Variants in EXOSC8 observed in about 807,000 individuals in gnomAD.
EXOSC8 encodes the protein exosome component 8, also known as exosome complex component RRP43.
A neutral mutation model predicts 39.9 loss-of-function variants in EXOSC8; 37 were observed. That is an observed-to-expected ratio of 0.93 (90% CI 0.71 to 1.22). The LOEUF (loss-of-function observed/expected upper bound fraction) is 1.22. Ranked by LOEUF, EXOSC8 falls within the 50% of genes most tolerant of loss-of-function variation. The probability of loss-of-function intolerance (pLI) is 0.00; values close to 1 mark genes in which losing one functional copy is unlikely to be tolerated. For synonymous variants in EXOSC8, 93 were observed against 109.5 expected, an observed-to-expected ratio of 0.85 and a Z score of 0.94; for missense variants, 313 against 326.6, an observed-to-expected ratio of 0.96 and a Z score of 0.32.
At chr13:37,006,899 T>C in intron 7 of EXOSC8, 76 bp from the exon 8 acceptor site, 1 of 886,030 alleles carries the variant, frequency 1.1e-6, no homozygotes, top group Non-Finnish European at 1.9e-6. Flanking sequence ...GGTTCTGTGG[T>C]TCTTAAGTCT....
chr13:37,005,862 CAAAA>C (rs59234766), intron 5 of EXOSC8, 54 bp from the exon 6 acceptor site: 817 of 295,688 alleles, frequency 2.8e-3, no homozygotes, highest in East Asian at 4.7e-3. Flanking sequence ...GACTCCATCT[CAAAA>C]AAAAAAAAAA....
Position 37,004,395 on chromosome 13 carries a change from G to A in EXOSC8, c.193-121G>A. On this transcript the variant is annotated intron_variant, in intron 4 of 10. Transcript: ENST00000389704. ...GTGAGGATCAGCACCAATGTCCGTA[G>A]AGGCCCTGACACAATTCCCTAAGCT... The A allele has an allele frequency of 4.4e-6, 3 of 675,440 alleles. No homozygotes were observed. In the South Asian group the frequency reaches 5.4e-5, roughly 12 times the overall value. 41.8% of individuals were successfully genotyped at this position (675,440 alleles called of 1,614,324 possible).
In EXOSC8 at chr13:37,005,909, GT is replaced by G; in HGVS notation, c.239-8del. On this transcript the variant is annotated splice_polypyrimidine_tract_variant and intron_variant, in intron 5 of 10. Transcript: ENST00000389704. ...AAGGTTTAGTTCATAGCTGCAGAGT[GT>G]TTCTTTCAGTTCCTAATGTGGATCT... 3 of 1,001,512 alleles carry G rather than the reference GT, an allele frequency of 3.0e-6. No homozygotes were observed. The highest frequency in any genetic ancestry group is 4.7e-6 in the Non-Finnish European group (3 of 639,798). The allele number at this position is 1,001,512 out of a possible 1,614,324, so 62.0% of individuals were successfully genotyped here. A position where few individuals can be genotyped will look rare whatever the true frequency, so the allele number is the denominator to read the frequency against.
chr13:37,003,873 CTT>C (rs771339894), intron 4 of EXOSC8: 16 of 138,486 alleles, frequency 1.2e-4, no homozygotes, highest in Non-Finnish European at 9.5e-5. Flanking sequence ...AGAGCATTTG[CTT>C]TTTTTTTTTT....
At chr13:37,004,709 C>T (rs182442027) in intron 5 of EXOSC8, 148 bp downstream of exon 5, 13 of 572,258 alleles carry the variant, frequency 2.3e-5, no homozygotes, top group Admixed American at 1.3e-4. Context: ...AAAAGTTTTC[C>T]GTGTGTTAGT....
Position 37,007,087 on chromosome 13 carries a change from A to G in EXOSC8, c.487+16A>G. 6.5e-7 allele frequency: 1 copy of G among 1,529,052 alleles called. No homozygotes were observed. The highest frequency in any genetic ancestry group is 9.1e-7 in the Non-Finnish European group (1 of 1,102,338). The allele number at this position is 1,529,052 out of a possible 1,614,324, so 94.7% of individuals were successfully genotyped here. On this transcript the variant is annotated intron_variant, in intron 8 of 10. Transcript: ENST00000389704. Reference sequence around the variant, plus strand: ...TTAAAAAATGGTAAGCAGCCTTACAAAAAAGGCAATATTCCCACTCATGGG... The same window carrying G: ...TTAAAAAATGGTAAGCAGCCTTACAGAAAAGGCAATATTCCCACTCATGGG...
chr13:37,009,290 A>G lies in EXOSC8; in HGVS notation c.822A>G (p.Lys274=), dbSNP rs915746741. The change falls in exon 11 of 11, where the codon AAA becomes AAG. Residue 274 remains lysine, a synonymous_variant. Coordinates refer to ENST00000389704, the MANE Select transcript of EXOSC8 (RefSeq NM_181503.3). ...TGGATGAAGTAATTAAGAGTATGAA[A>G]CCCAAATAAACAGCCACCACATTTT... ...KLMDEVIKSM[K]PK 2.6e-6 allele frequency: 4 copies of G among 1,550,586 alleles called. No homozygotes were observed. Among genetic ancestry groups the G allele is most frequent in the Non-Finnish European group, 3.6e-6 (4 of 1,124,442 alleles).
intron 4 of EXOSC8, 127 bp downstream of exon 4, chr13:37,003,134 C>T (rs1593698191): frequency 3.2e-6 from 2 of 624,938 alleles, no homozygotes; most frequent in Non-Finnish European, 5.6e-6. Flanking sequence ...GTTTAATTTC[C>T]CAAGAGCTTT....
chr13:37,005,976 G>A lies in EXOSC8; in HGVS notation c.295G>A (p.Gly99Arg). The A allele has an allele frequency of 6.2e-7, 1 of 1,612,736 alleles. No homozygotes were observed. Among genetic ancestry groups the A allele is most frequent in the Non-Finnish European group, 8.5e-7 (1 of 1,178,988 alleles). The change falls in exon 6 of 11, where the codon GGA (glycine) becomes AGA (arginine). Residue 99 changes from glycine (G) to arginine (R), a missense_variant. Physicochemically the swap from Gly to Arg is moderately radical, Grantham distance 125. Coordinates refer to ENST00000389704, the MANE Select transcript of EXOSC8 (RefSeq NM_181503.3). ...CSSRFRSGPP[G>R]EEAQVASQFI... is the part of the protein sequence containing the mutation. ...ATCGAGATTCCGGTCTGGACCTCCT[G>A]GAGAAGAGGCCCAAGTGGCTAGCCA...
intron 7 of EXOSC8, among the ~76,000 whole-genome samples, chr13:37,006,542 TG>T (rs1288502062): frequency 1.3e-5 from 2 of 152,176 alleles, no homozygotes; most frequent in African/African-American, 4.8e-5. Flanking sequence ...AAAACTAGGT[TG>T]ATTAGAACCT....
intron 10 of EXOSC8, 93 bp from the exon 11 acceptor site, chr13:37,009,091 C>G (rs1222030564): frequency 1.2e-6 from 1 of 837,320 alleles, no homozygotes; most frequent in Non-Finnish European, 1.9e-6. Flanking sequence ...TTACATTATC[C>G]AATTTTTTTG....
At chr13:37,005,808 A>G in intron 5 of EXOSC8, 112 bp from the exon 6 acceptor site, 1 of 590,540 alleles carries the variant, frequency 1.7e-6, no homozygotes, top group Non-Finnish European at 2.9e-6. Flanking sequence ...AGGTTGCAGT[A>G]AGCTGAGATC....
chr13:37,008,279 C>G (rs1000582390), intron 9 of EXOSC8, 102 bp downstream of exon 9: 12 of 920,126 alleles, frequency 1.3e-5, no homozygotes, highest in Non-Finnish European at 1.9e-5. Flanking sequence ...GACCCTACAT[C>G]CTAGTTTTCC....
intron 1 of EXOSC8, 71 bp downstream of exon 1, chr13:37,000,893 G>C: frequency 7.0e-7 from 1 of 1,435,326 alleles, no homozygotes; most frequent in Non-Finnish European, 9.2e-7. Flanking sequence ...CTCTTAGCTG[G>C]GATTCTCTCA....
chr13:37,003,090 C>T, intron 4 of EXOSC8, 83 bp downstream of exon 4: 1 of 826,404 alleles, frequency 1.2e-6, no homozygotes, highest in Non-Finnish European at 2.0e-6. Flanking sequence ...TGTAATTCTA[C>T]TCTTGATTTG....
At chr13:37,007,840 TAAAAA>T (rs199916792) in intron 8 of EXOSC8, among the ~76,000 whole-genome samples, 1 of 151,448 alleles carries the variant, frequency 6.6e-6, no homozygotes, top group Non-Finnish European at 1.5e-5. Flanking sequence ...TTCTTAAACT[TAAAAA>T]AAAATTATGC....
chr13:37,002,966 G>A lies in EXOSC8; in HGVS notation c.151G>A (p.Val51Met), dbSNP rs750353402. 2 of 1,610,888 alleles carry A rather than the reference G, an allele frequency of 1.2e-6. No homozygotes were observed. Among genetic ancestry groups the A allele is most frequent in the Middle Eastern group, 1.7e-4 (1 of 5,912 alleles). ...SISTADGSAL[V>M]KLGNTTVICG... ...TAGTACCGCAGATGGTTCTGCTTTA[G>A]TGAAGTTGGGAAATACTACAGTAAT... The change falls in exon 4 of 11, where the codon GTG (valine) becomes ATG (methionine). Residue 51 changes from valine to methionine, a missense_variant. Coordinates refer to ENST00000389704, the MANE Select transcript of EXOSC8 (RefSeq NM_181503.3).
At chr13:37,006,312 C>A in intron 7 of EXOSC8, 152 bp downstream of exon 7, 1 of 601,896 alleles carries the variant, frequency 1.7e-6, no homozygotes, top group Non-Finnish European at 2.9e-6. Flanking sequence ...ATTTCTTACT[C>A]TATAATTCTC....
Position 37,002,498 on chromosome 13 carries a change from G to A in EXOSC8, c.65G>A (p.Cys22Tyr). The A allele has an allele frequency of 1.3e-6, 2 of 1,580,108 alleles. No homozygotes were observed. Among genetic ancestry groups the A allele is most frequent in the Non-Finnish European group, 1.7e-6 (2 of 1,159,224 alleles). ...AACATATTTATTTAGAAAGAGAACT[G>A]CCGTCCTGATGGAAGAGAACTTGGT... is the stretch of plus-strand genomic sequence containing the variant. ...EYYRRFLKEN[C>Y]RPDGRELGEF... is the part of the protein sequence containing the mutation. Residue 22 changes from cysteine to tyrosine, a missense_variant, in exon 3 of 11, where the codon TGC becomes TAC. Cys to Tyr is a radical substitution (Grantham distance 194). Coordinates refer to ENST00000389704, the MANE Select transcript of EXOSC8 (RefSeq NM_181503.3).
Sources: allele counts gnomAD v4.1 joint callset (sites outside exome capture counted in the v4.1 genomes callset), GRCh38; gene constraint gnomAD v4.1.1; transcripts MANE v1.5; gene names NCBI Gene and HGNC (gene_info 2026-07-23, HGNC 2026-07-21).